The following XKR4 variants were observed in gnomAD, a reference collection of about 807,000 sequenced individuals.
XKR4 encodes the protein XK-related protein 4.
XKR4 carries 12 observed loss-of-function variants against 53.9 expected under a neutral mutation model. The observed-to-expected ratio is 0.22, with a 90% CI of 0.14 to 0.36. The LOEUF (loss-of-function observed/expected upper bound fraction) is 0.36, where lower values mean the gene tolerates loss of function less well. Among genes scored for constraint, XKR4 ranks in the 10% least tolerant of loss-of-function variants. The probability of loss-of-function intolerance (pLI) is 1.00; values close to 1 mark genes in which losing one functional copy is unlikely to be tolerated. For missense variants in XKR4, 799 were observed against 859.5 expected, an observed-to-expected ratio of 0.93 and a Z score of 0.88; for synonymous variants, 354 against 362.4, an observed-to-expected ratio of 0.98 and a Z score of 0.26.
chr8:55,322,732 T>C (rs1037388304), intron 1 of XKR4, among the ~76,000 whole-genome samples: 1 of 152,146 alleles, frequency 6.6e-6, no homozygotes, highest in Admixed American at 6.5e-5. Flanking sequence ...CTAGAGTACG[T>C]GATATGTCTT....
At chr8:55,203,860 T>G (rs1817608610) in intron 1 of XKR4, among the ~76,000 whole-genome samples, 1 of 152,178 alleles carries the variant, frequency 6.6e-6, no homozygotes, top group Admixed American at 6.5e-5. Flanking sequence ...AACTTTTGTG[T>G]CCAGAGCACT....
chr8:55,197,602 G>A (rs909512556), intron 1 of XKR4, among the ~76,000 whole-genome samples: 5 of 150,406 alleles, frequency 3.3e-5, no homozygotes, highest in African/African-American at 1.2e-4. Flanking sequence ...GGAGTGCAGT[G>A]GCACAATCTC....
chr8:55,217,540 A>C (rs547707976), intron 1 of XKR4, among the ~76,000 whole-genome samples: 2 of 152,326 alleles, frequency 1.3e-5, no homozygotes, highest in South Asian at 2.1e-4. Flanking sequence ...CATGTGACCT[A>C]GCCAATGCAT....
chr8:55,124,859 T>C (rs1008372126), intron 1 of XKR4, among the ~76,000 whole-genome samples: 1 of 152,202 alleles, frequency 6.6e-6, no homozygotes, highest in African/African-American at 2.4e-5. Flanking sequence ...TCCTCATTTT[T>C]ACTTGGAAAG....
At chr8:55,312,467 A>G (rs746864326) in intron 1 of XKR4, among the ~76,000 whole-genome samples, 4 of 152,120 alleles carry the variant, frequency 2.6e-5, no homozygotes, top group South Asian at 2.1e-4. Context: ...CAAACCCCAC[A>G]CTATGGTTAT....
chr8:55,425,492 C>T (rs1025381674), intron 2 of XKR4, among the ~76,000 whole-genome samples: 2 of 152,212 alleles, frequency 1.3e-5, no homozygotes, highest in Non-Finnish European at 2.9e-5. Context: ...CTTGATCCTT[C>T]TGAGCCTCAG....
chr8:55,155,733 C>A (rs1443345065), intron 1 of XKR4, among the ~76,000 whole-genome samples: 4 of 152,088 alleles, frequency 2.6e-5, no homozygotes, highest in East Asian at 3.9e-4. Context: ...CCACCCGAAT[C>A]AAAAATATTA....
intron 2 of XKR4, among the ~76,000 whole-genome samples, chr8:55,403,883 T>C (rs1804645688): frequency 6.6e-6 from 1 of 152,240 alleles, no homozygotes; most frequent in Non-Finnish European, 1.5e-5. Context: ...TGATGAGACC[T>C]GGCAAGTATC....
intron 1 of XKR4, among the ~76,000 whole-genome samples, chr8:55,213,316 A>C (rs182679503): frequency 6.6e-6 from 1 of 152,312 alleles, no homozygotes; most frequent in African/African-American, 2.4e-5. Flanking sequence ...AGATGAAATT[A>C]TAGGGAGTCG....
chr8:55,511,004 G>GT (rs911554078), intron 2 of XKR4, among the ~76,000 whole-genome samples: 14 of 152,210 alleles, frequency 9.2e-5, no homozygotes, highest in African/African-American at 2.9e-4. Context: ...GTATTGAGTT[G>GT]TTTTTTGTAA....
intron 1 of XKR4, among the ~76,000 whole-genome samples, chr8:55,237,111 T>G (rs1405002174): frequency 6.6e-6 from 1 of 152,232 alleles, no homozygotes; most frequent in African/African-American, 2.4e-5. Context: ...TTTCCTCCTC[T>G]GAGTCCACAT....
chr8:55,469,981 C>T (rs979589511), intron 2 of XKR4, among the ~76,000 whole-genome samples: 3 of 152,016 alleles, frequency 2.0e-5, no homozygotes, highest in Non-Finnish European at 4.4e-5. Flanking sequence ...GAAGGAATTA[C>T]ACATGGACAA....
intron 1 of XKR4, among the ~76,000 whole-genome samples, chr8:55,139,512 C>A (rs868493292): frequency 9.5e-4 from 109 of 114,388 alleles, no homozygotes; most frequent in African/African-American, 1.1e-3. Flanking sequence ...GACTCCGTCT[C>A]AAAAAAAAAA....
At chr8:55,140,876 T>C (rs1816692478) in intron 1 of XKR4, among the ~76,000 whole-genome samples, 1 of 152,250 alleles carries the variant, frequency 6.6e-6, no homozygotes, top group Admixed American at 6.5e-5. Context: ...CATTAGGCTG[T>C]CTGAGAGACC....
rs77470970 is a variant in XKR4, at chr8:55,374,320, G to C, written c.1006+16443G>C. Among the ~76,000 whole-genome samples, 43 of 152,368 alleles carry C rather than the reference G, an allele frequency of 2.8e-4. No individual in the cohort carries two copies. In the East Asian group the frequency reaches 5.0e-3, roughly 18 times the overall value. ...CCTTGAAGGGCTTACAGCCTCATAA[G>C]GGGGAGCAGCATATGAATAAGTGCT... On this transcript the variant is annotated intron_variant, in intron 2 of 2. Transcript: ENST00000327381.
At chr8:55,239,343 T>C (rs935834620) in intron 1 of XKR4, among the ~76,000 whole-genome samples, 12 of 152,204 alleles carry the variant, frequency 7.9e-5, no homozygotes, top group Non-Finnish European at 1.8e-4. Flanking sequence ...CAGATCAATA[T>C]CAATAAAGCC....
At chr8:55,326,628 G>T (rs1803298938) in intron 1 of XKR4, among the ~76,000 whole-genome samples, 1 of 151,474 alleles carries the variant, frequency 6.6e-6, no homozygotes, top group Non-Finnish European at 1.5e-5. Context: ...GCACCACTGT[G>T]CCTGGATAAT....
At chr8:55,190,079 C>T (rs1194294124) in intron 1 of XKR4, among the ~76,000 whole-genome samples, 1 of 152,218 alleles carries the variant, frequency 6.6e-6, no homozygotes, top group Non-Finnish European at 1.5e-5. Flanking sequence ...TGGCTTTAAT[C>T]TGCGTGTGTG....
At chr8:55,364,529 A>T (rs1348153482) in intron 2 of XKR4, among the ~76,000 whole-genome samples, 1 of 152,224 alleles carries the variant, frequency 6.6e-6, no homozygotes, top group Non-Finnish European at 1.5e-5. Flanking sequence ...TGAGCTATGC[A>T]TTCTGCCAGA....
Sources: allele counts gnomAD v4.1 joint callset (sites outside exome capture counted in the v4.1 genomes callset), GRCh38; gene constraint gnomAD v4.1.1; transcripts MANE v1.5; gene names NCBI Gene and HGNC (gene_info 2026-07-23, HGNC 2026-07-21).